The following RAPGEF5 variants were observed in gnomAD, a reference collection of about 807,000 sequenced individuals.
The protein encoded by RAPGEF5 is M-Ras-regulated GEF.
Under a neutral mutation model 125.2 loss-of-function variants are expected in RAPGEF5, and 65 were observed. The ratio of observed to expected loss-of-function variants is 0.52; its 90% confidence interval spans 0.43 to 0.64. RAPGEF5 has a LOEUF of 0.64. RAPGEF5 is among the 30% of genes least tolerant of loss of function. The pLI, the probability that RAPGEF5 is intolerant of heterozygous loss-of-function variation, is 0.00. For missense variants in RAPGEF5, 958 were observed against 1,048.1 expected, an observed-to-expected ratio of 0.91 and a Z score of 1.19; for synonymous variants, 391 against 385.9, an observed-to-expected ratio of 1.01 and a Z score of -0.16.
At chr7:22,288,561 C>T (rs1341196357) in intron 6 of RAPGEF5, among the ~76,000 whole-genome samples, 9 of 149,006 alleles carry the variant, frequency 6.0e-5, no homozygotes, top group Admixed American at 2.0e-4. Flanking sequence ...CTCGCTCTTT[C>T]GCCCAGGCCA....
In RAPGEF5 at chr7:22,147,064, T is replaced by C. The variant is rs73276190; in HGVS notation, c.1885-45A>G. The C allele has an allele frequency of 7.7e-5, 124 of 1,602,158 alleles. 1 individual carries two copies. In the African/African-American group the frequency reaches 1.6e-3, roughly 20 times the overall value. On this transcript the variant is annotated intron_variant, in intron 18 of 25. Coordinates refer to ENST00000665637, the MANE Select transcript of RAPGEF5 (RefSeq NM_012294.5). ...AAGATCCTCAGTAATTCCCAAATGTTTTGCACTGCATTGGCTGGCTGTAGA... is the reference window on the plus strand; with the variant it reads ...AAGATCCTCAGTAATTCCCAAATGTCTTGCACTGCATTGGCTGGCTGTAGA...
At chr7:22,327,814 T>C (rs1783843740) in intron 1 of RAPGEF5, among the ~76,000 whole-genome samples, 1 of 152,258 alleles carries the variant, frequency 6.6e-6, no homozygotes, top group Non-Finnish European at 1.5e-5. Flanking sequence ...AAAGAGCTTA[T>C]TTAAAAGATT....
intron 5 of RAPGEF5, among the ~76,000 whole-genome samples, chr7:22,305,078 A>G (rs190965025): frequency 2.0e-5 from 3 of 152,352 alleles, no homozygotes. Flanking sequence ...TCAGGTGTTA[A>G]AAGCACAGTC....
At chr7:22,302,255 C>G (rs112252599) in intron 5 of RAPGEF5, among the ~76,000 whole-genome samples, 2,608 of 152,254 alleles carry the variant, frequency 0.017, 70 homozygotes, top group African/African-American at 0.059. Context: ...TTGGTAAAAT[C>G]TTTCTATCAC....
chr7:22,297,194 A>G (rs1783082272), intron 5 of RAPGEF5, among the ~76,000 whole-genome samples: 1 of 152,214 alleles, frequency 6.6e-6, no homozygotes, highest in Admixed American at 6.5e-5. Flanking sequence ...AAAGCTGATG[A>G]AGCAGGAAAA....
intron 14 of RAPGEF5, 55 bp from the exon 15 acceptor site, chr7:22,157,940 G>A (rs1783865113): frequency 1.3e-6 from 2 of 1,521,882 alleles, no homozygotes; most frequent in South Asian, 1.1e-5. Context: ...GAATAATGCA[G>A]TTATTGTTAC....
chr7:22,307,652 A>ATAC (rs1163530782), intron 5 of RAPGEF5, among the ~76,000 whole-genome samples: 1 of 152,170 alleles, frequency 6.6e-6, no homozygotes, highest in Non-Finnish European at 1.5e-5. Flanking sequence ...CATAAAGACC[A>ATAC]TACTGCTTGC....
At chr7:22,301,540 G>T (rs925875236) in intron 5 of RAPGEF5, among the ~76,000 whole-genome samples, 1 of 151,128 alleles carries the variant, frequency 6.6e-6, no homozygotes, top group East Asian at 1.9e-4. Context: ...GCGTGAACCC[G>T]GGAGGCGGAG....
At chr7:22,210,814 G>A (rs1002695770) in intron 9 of RAPGEF5, among the ~76,000 whole-genome samples, 1 of 151,942 alleles carries the variant, frequency 6.6e-6, no homozygotes, top group Admixed American at 6.6e-5. Flanking sequence ...TTTAAATGTA[G>A]GAGGGAAATG....
chr7:22,230,861 A>G lies in RAPGEF5; in HGVS notation c.855T>C (p.Ser285=). Residue 285 remains serine, a synonymous_variant, in exon 8 of 26, where the codon AGT becomes AGC. Transcript: ENST00000665637. ...DKHVAVTEAE[S]VPDSQAGVMC... ...TTGATCATACCTGAGAATCTGGAAC[A>G]CTTTCGGCTTCTGTTACAGCTACAT... 1 of 1,566,760 alleles carries G rather than the reference A, an allele frequency of 6.4e-7. No individual in the cohort carries two copies. The highest frequency in any genetic ancestry group is 1.2e-5 in the South Asian group (1 of 85,322).
Position 22,342,141 on chromosome 7 carries a change from T to C in RAPGEF5, c.231+14689A>G, listed in dbSNP as rs1455027012. Among the ~76,000 whole-genome samples, 4 of 152,224 alleles carry C rather than the reference T, an allele frequency of 2.6e-5. No individual in the cohort carries two copies. The East Asian group carries it at 7.7e-4, about 29-fold the overall frequency. On this transcript the variant is annotated intron_variant, in intron 1 of 25. Transcript: ENST00000665637. ...CTCAAACCCCAATTCTTGACTTCTG[T>C]GCACTCACAGACTCAACACAACGTG...
chr7:22,305,634 A>G (rs946825288), intron 5 of RAPGEF5, among the ~76,000 whole-genome samples: 15 of 152,124 alleles, frequency 9.9e-5, no homozygotes, highest in African/African-American at 3.6e-4. Flanking sequence ...TTGTGCTATC[A>G]AAGAGTGGGC....
intron 17 of RAPGEF5, among the ~76,000 whole-genome samples, chr7:22,154,120 C>A (rs1783721985): frequency 6.6e-6 from 1 of 151,758 alleles, no homozygotes; most frequent in African/African-American, 2.4e-5. Flanking sequence ...TTTTTTCCAC[C>A]CCAAAGTAAT....
intron 6 of RAPGEF5, among the ~76,000 whole-genome samples, chr7:22,283,597 G>A (rs1056424118): frequency 6.6e-6 from 1 of 152,080 alleles, no homozygotes; most frequent in African/African-American, 2.4e-5. Flanking sequence ...TTAAAGCTCC[G>A]TCGGCTTCTT....
chr7:22,162,939 G>T (rs917540721), intron 12 of RAPGEF5: 13 of 458,316 alleles, frequency 2.8e-5, no homozygotes, highest in Non-Finnish European at 4.8e-5. Context: ...GAGGCCAGAT[G>T]CTGTCTAGTC....
At chr7:22,355,210 A>T (rs1784399348) in intron 1 of RAPGEF5, among the ~76,000 whole-genome samples, 2 of 152,248 alleles carry the variant, frequency 1.3e-5, no homozygotes, top group African/African-American at 4.8e-5. Context: ...TATCTGAGGT[A>T]ACCACATTCA....
chr7:22,174,594 T>C (rs1288842388), intron 11 of RAPGEF5, among the ~76,000 whole-genome samples: 1 of 152,198 alleles, frequency 6.6e-6, no homozygotes, highest in Non-Finnish European at 1.5e-5. Flanking sequence ...AGTTGTGTAG[T>C]AGTAATAGAA....
At chr7:22,353,030 T>C (rs1784358931) in intron 1 of RAPGEF5, among the ~76,000 whole-genome samples, 1 of 152,230 alleles carries the variant, frequency 6.6e-6, no homozygotes, top group Non-Finnish European at 1.5e-5. Context: ...CACGATGTGA[T>C]GCAATAGATT....
intron 7 of RAPGEF5, among the ~76,000 whole-genome samples, chr7:22,257,440 A>C (rs1782025935): frequency 6.6e-6 from 1 of 152,186 alleles, no homozygotes; most frequent in African/African-American, 2.4e-5. Context: ...AATGCATTCT[A>C]TTTATGAAAC....
Sources: allele counts gnomAD v4.1 joint callset (sites outside exome capture counted in the v4.1 genomes callset), GRCh38; gene constraint gnomAD v4.1.1; transcripts MANE v1.5; gene names NCBI Gene and HGNC (gene_info 2026-07-23, HGNC 2026-07-21).